Variants in CSMD1 observed in about 807,000 individuals in gnomAD.
CSMD1 encodes the protein CUB and sushi domain-containing protein 1.
A neutral mutation model predicts 417.5 loss-of-function variants in CSMD1; 213 were observed. That is an observed-to-expected ratio of 0.51 (90% CI 0.46 to 0.57). The LOEUF is 0.57. CSMD1 is among the 20% of genes least tolerant of loss of function. The pLI is 0.00. For synonymous variants in CSMD1, 2,862 were observed against 1,736.8 expected, an observed-to-expected ratio of 1.65 and a Z score of -16.11; for missense variants, 6,923 against 4,529.7, an observed-to-expected ratio of 1.53 and a Z score of -15.17.
intron 4 of CSMD1, among the ~76,000 whole-genome samples, chr8:4,027,502 G>T (rs1797124153): frequency 1.3e-5 from 2 of 152,100 alleles, no homozygotes; most frequent in Non-Finnish European, 2.9e-5. Flanking sequence ...CTTTATAAGG[G>T]TCTTTCACCC....
chr8:4,973,013 A>G (rs1264052079), intron 1 of CSMD1, among the ~76,000 whole-genome samples: 2 of 152,162 alleles, frequency 1.3e-5, no homozygotes, highest in African/African-American at 4.8e-5. Context: ...ATCGTTTTAT[A>G]TTTTATATAT....
At chr8:4,858,853 C>T (rs375711436) in intron 1 of CSMD1, among the ~76,000 whole-genome samples, 1 of 148,584 alleles carries the variant, frequency 6.7e-6, no homozygotes, top group Non-Finnish European at 1.5e-5. Context: ...AGGTAATTTA[C>T]AGATTCAATG....
chr8:3,941,395 A>G (rs908810755), intron 5 of CSMD1, among the ~76,000 whole-genome samples: 1 of 152,148 alleles, frequency 6.6e-6, no homozygotes, highest in African/African-American at 2.4e-5. Flanking sequence ...TGATTTCTCA[A>G]AAGTTTAAAA....
chr8:4,608,584 C>T (rs747265755), intron 2 of CSMD1, among the ~76,000 whole-genome samples: 41 of 152,132 alleles, frequency 2.7e-4, no homozygotes, highest in East Asian at 1.9e-4. Flanking sequence ...ATAAGGGATG[C>T]GATGGCAAAG....
intron 8 of CSMD1, among the ~76,000 whole-genome samples, chr8:3,596,569 A>G (rs1425948081): frequency 6.6e-6 from 1 of 152,146 alleles, no homozygotes; most frequent in Non-Finnish European, 1.5e-5. Flanking sequence ...ACAATCCTAA[A>G]TACACAGAGA....
intron 1 of CSMD1, among the ~76,000 whole-genome samples, chr8:4,714,997 G>A (rs1808558289): frequency 6.6e-6 from 1 of 152,042 alleles, no homozygotes; most frequent in Non-Finnish European, 1.5e-5. Flanking sequence ...GCTCACAGAT[G>A]GCAATAATTT....
intron 26 of CSMD1, among the ~76,000 whole-genome samples, chr8:3,241,706 G>T (rs1211591813): frequency 6.6e-6 from 1 of 152,194 alleles, no homozygotes; most frequent in East Asian, 1.9e-4. Context: ...GGTGTTTCTG[G>T]AGGAACGCCT....
chr8:3,727,175 G>C (rs968370413), intron 6 of CSMD1, among the ~76,000 whole-genome samples: 3 of 152,098 alleles, frequency 2.0e-5, no homozygotes, highest in Non-Finnish European at 2.9e-5. Flanking sequence ...ACCATACTTA[G>C]AGCAATGTGA....
intron 5 of CSMD1, among the ~76,000 whole-genome samples, chr8:3,983,251 C>G (rs1814035379): frequency 6.6e-6 from 1 of 151,820 alleles, no homozygotes; most frequent in Non-Finnish European, 1.5e-5. Context: ...CTGCCTCAGC[C>G]TCCCGAGTAG....
intron 5 of CSMD1, among the ~76,000 whole-genome samples, chr8:3,782,594 A>G (rs944926572): frequency 2.0e-5 from 3 of 152,210 alleles, no homozygotes; most frequent in Non-Finnish European, 4.4e-5. Flanking sequence ...ATGTAATCCT[A>G]TGTAACAAAC....
intron 51 of CSMD1, among the ~76,000 whole-genome samples, chr8:3,024,714 T>C (rs1265358407): frequency 2.0e-5 from 3 of 152,246 alleles, no homozygotes; most frequent in Admixed American, 6.5e-5. Flanking sequence ...TCTCTGATAC[T>C]ATTAAGTGAC....
intron 1 of CSMD1, among the ~76,000 whole-genome samples, chr8:4,771,211 G>A (rs1796579625): frequency 6.6e-6 from 1 of 152,190 alleles, no homozygotes; most frequent in Non-Finnish European, 1.5e-5. Context: ...CCTAAAATTA[G>A]CAATTTTCAA....
intron 5 of CSMD1, among the ~76,000 whole-genome samples, chr8:3,990,130 C>T (rs1187353934): frequency 1.3e-5 from 2 of 152,058 alleles, no homozygotes; most frequent in African/African-American, 2.4e-5. Flanking sequence ...TATTTAACAG[C>T]GTTAATTTAG....
intron 3 of CSMD1, among the ~76,000 whole-genome samples, chr8:4,229,767 G>T (rs1376544921): frequency 6.6e-6 from 1 of 152,014 alleles, no homozygotes; most frequent in Non-Finnish European, 1.5e-5. Context: ...ATCACAATGC[G>T]ACCCACTAAG....
At chr8:3,021,044 T>C (rs1223827962) in intron 51 of CSMD1, among the ~76,000 whole-genome samples, 2 of 152,338 alleles carry the variant, frequency 1.3e-5, no homozygotes, top group African/African-American at 2.4e-5. Flanking sequence ...TTTAAGATAA[T>C]TGGATCTTGT....
intron 5 of CSMD1, among the ~76,000 whole-genome samples, chr8:3,897,970 A>G (rs542508674): frequency 1.6e-4 from 24 of 152,322 alleles, no homozygotes; most frequent in African/African-American, 5.5e-4. Flanking sequence ...CAAAATCAAA[A>G]TCTAGTCACG....
intron 10 of CSMD1, among the ~76,000 whole-genome samples, chr8:3,536,511 G>T (rs899796002): frequency 2.0e-5 from 3 of 152,120 alleles, no homozygotes; most frequent in Admixed American, 1.3e-4. Flanking sequence ...TCCTCTCCAG[G>T]GTATCTTCGA....
At chr8:4,026,299 A>G (rs928545061) in intron 4 of CSMD1, among the ~76,000 whole-genome samples, 1 of 152,226 alleles carries the variant, frequency 6.6e-6, no homozygotes, top group Non-Finnish European at 1.5e-5. Context: ...TACACCAGAC[A>G]CTGAGAAAAG....
chr8:3,059,256 A>C (rs1196342122), intron 49 of CSMD1, among the ~76,000 whole-genome samples: 1 of 147,950 alleles, frequency 6.8e-6, no homozygotes, highest in Non-Finnish European at 1.5e-5. Flanking sequence ...AGACATCAAA[A>C]AAAAAAAAAA....
Sources: allele counts gnomAD v4.1 joint callset (sites outside exome capture counted in the v4.1 genomes callset), GRCh38; gene constraint gnomAD v4.1.1; transcripts MANE v1.5; gene names NCBI Gene and HGNC (gene_info 2026-07-23, HGNC 2026-07-21).